Variants in RMST observed in about 807,000 individuals in gnomAD.
The protein encoded by RMST is long intergenic non-protein coding RNA 54.
chr12:97,480,089 C>A (rs926789898), intron 5 of RMST, among the ~76,000 whole-genome samples: 2 of 90,966 alleles, frequency 2.2e-5, no homozygotes, highest in African/African-American at 7.6e-5. Flanking sequence ...TTTCTTTTTT[C>A]TTTTTTTTTC....
At chr12:97,488,181 C>G (rs1240045012) in intron 5 of RMST, among the ~76,000 whole-genome samples, 2 of 152,080 alleles carry the variant, frequency 1.3e-5, no homozygotes, top group African/African-American at 4.8e-5. Context: ...GTCAGGAGTT[C>G]GAGATCAGCC....
intron 13 of RMST, among the ~76,000 whole-genome samples, chr12:97,563,061 G>T (rs1175514618): frequency 1.3e-5 from 2 of 152,178 alleles, no homozygotes; most frequent in Admixed American, 6.5e-5. Context: ...AGAGAATTGG[G>T]TTTCAGCATG....
chr12:97,498,647 T>C (rs1003367732), intron 10 of RMST, among the ~76,000 whole-genome samples: 4 of 152,150 alleles, frequency 2.6e-5, no homozygotes, highest in African/African-American at 9.7e-5. Flanking sequence ...TTAAAGAAAA[T>C]TCTGTCAGGC....
At chr12:97,520,936 A>G (rs889641583) in intron 10 of RMST, among the ~76,000 whole-genome samples, 2 of 152,212 alleles carry the variant, frequency 1.3e-5, no homozygotes, top group Admixed American at 1.3e-4. Flanking sequence ...TGCAGAGAAA[A>G]TCAGTTAGAA....
At chr12:97,495,048 T>C (rs1877239216) in intron 9 of RMST, among the ~76,000 whole-genome samples, 1 of 152,206 alleles carries the variant, frequency 6.6e-6, no homozygotes, top group African/African-American at 2.4e-5. Context: ...ACTGAATATC[T>C]TTTGTTTATG....
At chr12:97,562,980 G>A (rs1002407826) in intron 13 of RMST, among the ~76,000 whole-genome samples, 2 of 152,304 alleles carry the variant, frequency 1.3e-5, no homozygotes, top group Admixed American at 6.5e-5. Context: ...TGGTAGATAG[G>A]CACCTCAAGT....
At chr12:97,556,366 G>A (rs896594409) in intron 11 of RMST, among the ~76,000 whole-genome samples, 1 of 152,178 alleles carries the variant, frequency 6.6e-6, no homozygotes, top group Non-Finnish European at 1.5e-5. Flanking sequence ...TCAGCCAAGT[G>A]TGACGTGTTA....
intron 11 of RMST, among the ~76,000 whole-genome samples, chr12:97,543,864 A>G (rs747251651): frequency 6.6e-6 from 1 of 152,044 alleles, no homozygotes; most frequent in Non-Finnish European, 1.5e-5. Flanking sequence ...TCAGGAATGT[A>G]TCCATCATTT....
chr12:97,519,261 G>A (rs796542315), intron 10 of RMST, among the ~76,000 whole-genome samples: 41 of 152,290 alleles, frequency 2.7e-4, no homozygotes, highest in African/African-American at 9.6e-4. Flanking sequence ...AAGTGTGTTG[G>A]TTGGTTGACT....
At position 97,533,962 on chromosome 12, in the gene RMST, T is replaced by C. The variant is rs79687187; in HGVS notation, n.1545+3103T>C. 3.4e-4 allele frequency among the ~76,000 whole-genome samples: 52 copies of C among 151,910 alleles called. No individual in the cohort carries two copies. In the East Asian group the frequency reaches 8.2e-3, roughly 24 times the overall value. ...CCAAGCCTGTGAAGAAAGTCAAAGA[T>C]GAAAAACTTGTGATAGAGTGACTGA... is the stretch of plus-strand genomic sequence containing the variant. On this transcript the variant is annotated intron_variant and non_coding_transcript_variant, in intron 11 of 13. Coordinates refer to ENST00000640149, the Ensembl canonical transcript of RMST.
chr12:97,524,117 T>C (rs1393815074), intron 10 of RMST, among the ~76,000 whole-genome samples: 1 of 126,558 alleles, frequency 7.9e-6, no homozygotes, highest in East Asian at 2.1e-4. Context: ...CATAACTGTA[T>C]GGTTGAATAT....
chr12:97,539,744 G>A (rs1882358081), intron 11 of RMST, among the ~76,000 whole-genome samples: 1 of 151,632 alleles, frequency 6.6e-6, no homozygotes, highest in Non-Finnish European at 1.5e-5. Context: ...GGTCAGTGAT[G>A]TCAAATCGGA....
In RMST at chr12:97,463,552, A is replaced by C. The variant is rs1268002215; in HGVS notation, n.584+263A>C. On this transcript the variant is annotated intron_variant and non_coding_transcript_variant, in intron 4 of 13. Transcript: ENST00000640149. Reference sequence around the variant, plus strand: ...GCTGTTTAAATTTATATCTGGAAAAAAATTCTGTTTGATGATAGTTAGCAA... The same window carrying C: ...GCTGTTTAAATTTATATCTGGAAAACAATTCTGTTTGATGATAGTTAGCAA... 2.0e-5 allele frequency among the ~76,000 whole-genome samples: 3 copies of C among 152,264 alleles called. No individual in the cohort carries two copies. In the East Asian group the frequency reaches 5.8e-4, roughly 29 times the overall value.
chr12:97,548,808 C>T (rs528041450), intron 11 of RMST, among the ~76,000 whole-genome samples: 1 of 152,044 alleles, frequency 6.6e-6, no homozygotes, highest in Non-Finnish European at 1.5e-5. Flanking sequence ...GACAATTTAA[C>T]TTCTTCCTTC....
chr12:97,521,085 GGGATATTGTTTGCTTACCCACCT>G (rs1345383454), intron 10 of RMST, among the ~76,000 whole-genome samples: 1 of 152,166 alleles, frequency 6.6e-6, no homozygotes, highest in African/African-American at 2.4e-5. Flanking sequence ...GAACAGTGAA[GGGATATTGTTTGCTTACCCACCT>G]GTAATCATTT....
intron 10 of RMST, among the ~76,000 whole-genome samples, chr12:97,521,524 G>A (rs920952340): frequency 2.6e-5 from 4 of 152,082 alleles, no homozygotes; most frequent in Non-Finnish European, 4.4e-5. Flanking sequence ...TATAAAATAA[G>A]TATGTAAAGA....
rs571175312 is a variant in RMST at position 97,509,954 on chromosome 12, G to C, written n.1340+13898G>C. The stretch of plus-strand genomic sequence containing the variant: ...TTCCCCACTAGACTATAGCTACCTG[G>C]GGAAAATAATTTTGCCTTATTTCCT... On this transcript the variant is annotated intron_variant and non_coding_transcript_variant, in intron 10 of 13. Transcript: ENST00000640149. 6.6e-5 allele frequency among the ~76,000 whole-genome samples: 10 copies of C among 152,108 alleles called. No individual in the cohort carries two copies. The South Asian group carries it at 2.1e-3, about 32-fold the overall frequency.
Position 97,490,080 on chromosome 12 carries a change from T to A in RMST, n.645-2381T>A, listed in dbSNP as rs374055270. On this transcript the variant is annotated intron_variant and non_coding_transcript_variant, in intron 5 of 13. Transcript: ENST00000640149. The stretch of plus-strand genomic sequence containing the variant: ...GTGATAGTTTTCACATTTACAAACA[T>A]CTTAAAATGTAAGTTTTGAAAGGTG... Among the ~76,000 whole-genome samples, 11 of 152,280 alleles carry A rather than the reference T, an allele frequency of 7.2e-5. No homozygotes were observed. The East Asian group carries it at 2.1e-3, about 29-fold the overall frequency.
intron 5 of RMST, among the ~76,000 whole-genome samples, chr12:97,485,858 T>C (rs1265139331): frequency 6.6e-6 from 1 of 152,210 alleles, no homozygotes; most frequent in African/African-American, 2.4e-5. Context: ...CCTCTCCACA[T>C]GTAGGCCCAC....
Sources: gnomAD v4.1 joint callset for allele counts (sites outside exome capture counted in the v4.1 genomes callset) on GRCh38, gnomAD v4.1.1 for gene constraint, MANE v1.5 for transcripts, NCBI Gene and HGNC (gene_info 2026-07-23, HGNC 2026-07-21) for gene names.